The following NCOA3 variants were observed in gnomAD, a reference collection of about 807,000 sequenced individuals.
The protein encoded by NCOA3 is nuclear receptor coactivator 3.
NCOA3 carries 51 observed loss-of-function variants against 158.8 expected under a neutral mutation model. That is an observed-to-expected ratio of 0.32 (90% CI 0.26 to 0.41). The LOEUF (loss-of-function observed/expected upper bound fraction) is 0.41, where lower values mean the gene tolerates loss of function less well. Ranked by LOEUF, NCOA3 falls within the 10% of genes least tolerant of loss-of-function variation. NCOA3 has a pLI of 1.00. For missense variants in NCOA3, 1,510 were observed against 1,746.6 expected, an observed-to-expected ratio of 0.86 and a Z score of 2.41; for synonymous variants, 537 against 592.4, an observed-to-expected ratio of 0.91 and a Z score of 1.36.
chr20:47,571,020 T>C (rs1332108833), intron 1 of NCOA3, among the ~76,000 whole-genome samples: 5 of 118,472 alleles, frequency 4.2e-5, no homozygotes, highest in South Asian at 5.5e-4. Context: ...ATTTTTTTTT[T>C]CCCATACAGA....
At chr20:47,528,441 A>G (rs535311985) in intron 1 of NCOA3, among the ~76,000 whole-genome samples, 1 of 152,302 alleles carries the variant, frequency 6.6e-6, no homozygotes, top group Non-Finnish European at 1.5e-5. Context: ...TATAAACCTA[A>G]TGAAAAGTTG....
At chr20:47,567,770 C>T (rs899875237) in intron 1 of NCOA3, among the ~76,000 whole-genome samples, 25 of 152,068 alleles carry the variant, frequency 1.6e-4, no homozygotes, top group African/African-American at 5.8e-4. Context: ...GGGGTTTCAC[C>T]ATGTTGGCCA....
chr20:47,604,094 C>T (rs1353512054), intron 2 of NCOA3, among the ~76,000 whole-genome samples: 4 of 151,484 alleles, frequency 2.6e-5, no homozygotes. Context: ...AGTTAAGAGG[C>T]CAAATTCCAT....
intron 8 of NCOA3, 104 bp from the exon 9 acceptor site, chr20:47,633,392 T>G (rs900235809): frequency 1.7e-5 from 19 of 1,134,304 alleles, no homozygotes; most frequent in Non-Finnish European, 2.4e-5. Flanking sequence ...GGAGCAAAGA[T>G]TTAATATCTT....
chr20:47,574,259 A>C (rs1182834262), intron 1 of NCOA3, among the ~76,000 whole-genome samples: 1 of 152,198 alleles, frequency 6.6e-6, no homozygotes, highest in African/African-American at 2.4e-5. Flanking sequence ...CATAGGAAAA[A>C]GGCACACAAA....
intron 1 of NCOA3, among the ~76,000 whole-genome samples, chr20:47,506,027 A>C (rs763311911): frequency 6.6e-6 from 1 of 151,796 alleles, no homozygotes; most frequent in African/African-American, 2.4e-5. Flanking sequence ...CTGGTCTCGA[A>C]CTCCTGACCT....
chr20:47,633,827 A>G (rs2086461604), intron 9 of NCOA3, among the ~76,000 whole-genome samples, 191 bp downstream of exon 9: 1 of 152,146 alleles, frequency 6.6e-6, no homozygotes, highest in Non-Finnish European at 1.5e-5. Flanking sequence ...GTTTGTCATT[A>G]TGTTTGGTAT....
Position 47,636,603 on chromosome 20 carries a change from A to G in NCOA3, c.2217A>G (p.Arg739=). ...AGAAGGAGAATAATGCACTTCTTAG[A>G]TACCTGCTGGACAGGGATGATCCTA... is the stretch of plus-strand genomic sequence containing the variant. ...PKKKENNALL[R]YLLDRDDPSD... Residue 739 remains arginine (R), a synonymous_variant, in exon 12 of 23, where the codon AGA becomes AGG. Coordinates refer to ENST00000371998, the MANE Select transcript of NCOA3 (RefSeq NM_181659.3). 2 of 1,614,218 alleles carry G rather than the reference A, an allele frequency of 1.2e-6. No individual in the cohort carries two copies. The highest frequency in any genetic ancestry group is 1.1e-5 in the South Asian group (1 of 91,084).
At chr20:47,622,357 A>T in intron 3 of NCOA3, 27 bp downstream of exon 3, 5 of 1,432,362 alleles carry the variant, frequency 3.5e-6, no homozygotes, top group Non-Finnish European at 4.8e-6. Flanking sequence ...CTGGTGCTTT[A>T]CCACACTTGT....
intron 1 of NCOA3, among the ~76,000 whole-genome samples, chr20:47,526,045 G>A (rs529706473): frequency 2.0e-5 from 3 of 150,934 alleles, no homozygotes; most frequent in Admixed American, 6.6e-5. Context: ...CTTCTCAGAC[G>A]GGGCGGTTGC....
chr20:47,619,833 T>C (rs557702274), intron 2 of NCOA3, among the ~76,000 whole-genome samples: 1 of 152,166 alleles, frequency 6.6e-6, no homozygotes, highest in East Asian at 1.9e-4. Context: ...CACACTCTGT[T>C]ACCCAGGCCT....
At chr20:47,553,085 C>T (rs1008605253) in intron 1 of NCOA3, among the ~76,000 whole-genome samples, 1 of 152,008 alleles carries the variant, frequency 6.6e-6, no homozygotes, top group Non-Finnish European at 1.5e-5. Context: ...AAGCACACAC[C>T]ACCATGTCCA....
chr20:47,646,246 G>A (rs1050419244), intron 17 of NCOA3, among the ~76,000 whole-genome samples: 13 of 152,166 alleles, frequency 8.5e-5, no homozygotes, highest in Non-Finnish European at 1.9e-4. Flanking sequence ...ATTGTTTAGG[G>A]AATTATTATA....
intron 2 of NCOA3, among the ~76,000 whole-genome samples, chr20:47,584,803 A>G (rs966692654): frequency 2.0e-5 from 3 of 152,152 alleles, no homozygotes; most frequent in African/African-American, 7.2e-5. Flanking sequence ...ATAACAGAAC[A>G]AATGCAGTTC....
rs72645274 is a variant in NCOA3, at chr20:47,638,768, G to A, written c.2513-240G>A. Among the ~76,000 whole-genome samples, 66 of 138,216 alleles carry A rather than the reference G, an allele frequency of 4.8e-4. No individual in the cohort carries two copies. The East Asian group carries it at 0.015, about 31-fold the overall frequency. The allele number at this position is 138,216 out of a possible 152,430, so 90.7% of individuals were successfully genotyped here. ...CAGAAAAGTTCTCAGTACTTCAGCC[G>A]ACATGGAGATTGTTGTTTCTACTTT... On this transcript the variant is annotated intron_variant, in intron 13 of 22. Transcript: ENST00000371998.
chr20:47,623,216 T>C (rs912023018), intron 3 of NCOA3, among the ~76,000 whole-genome samples: 6 of 152,252 alleles, frequency 3.9e-5, no homozygotes, highest in Non-Finnish European at 8.8e-5. Context: ...AATGTGCTAG[T>C]TGAAAAATAT....
chr20:47,636,515 C>T lies in NCOA3; in HGVS notation c.2129C>T (p.Thr710Ile), dbSNP rs2086519014. ...ACTGCAGAAGCCACTGGGAAAGACA[C>T]CAGCAGTATAACTTCTTGTGGGGAC... ...KITAEATGKD[T>I]SSITSCGDGN... Residue 710 changes from threonine (T) to isoleucine (I), a missense_variant, in exon 12 of 23, where the codon ACC (threonine) becomes ATC (isoleucine). This residue lies in a region of NCOA3 where 1,017 missense variants were observed against 1,098.3 expected (regional missense o/e 0.93). Transcript: ENST00000371998. The T allele has an allele frequency of 1.9e-6, 3 of 1,614,176 alleles. No homozygotes were observed. The highest frequency in any genetic ancestry group is 2.2e-5 in the South Asian group (2 of 91,088).
intron 1 of NCOA3, among the ~76,000 whole-genome samples, chr20:47,520,636 G>C (rs1369190188): frequency 6.6e-6 from 1 of 152,116 alleles, no homozygotes; most frequent in Non-Finnish European, 1.5e-5. Flanking sequence ...GCCCTGGAAG[G>C]CTCAAACCCT....
intron 1 of NCOA3, among the ~76,000 whole-genome samples, chr20:47,533,304 AG>A (rs1242513599): frequency 7.6e-5 from 11 of 144,176 alleles, no homozygotes; most frequent in African/African-American, 1.1e-4. Context: ...AAAAAAAAAA[AG>A]ATCATTGATT....
Sources: gnomAD v4.1 joint callset for allele counts (sites outside exome capture counted in the v4.1 genomes callset) on GRCh38, gnomAD v4.1.1 for gene constraint, gnomAD v4.1.1 regional missense constraint, MANE v1.5 for transcripts, NCBI Gene and HGNC (gene_info 2026-07-23, HGNC 2026-07-21) for gene names.